Variants in RAB27A observed in about 807,000 individuals in gnomAD.
The protein encoded by RAB27A is ras-related protein Rab-27A.
RAB27A carries 17 observed loss-of-function variants against 20.8 expected under a neutral mutation model. The ratio of observed to expected loss-of-function variants is 0.82; its 90% CI spans 0.56 to 1.23. RAB27A has a LOEUF of 1.23. RAB27A is among the 50% of genes most tolerant of loss of function. RAB27A has a pLI of 0.00. For synonymous variants in RAB27A, 85 were observed against 92.8 expected (o/e 0.92, Z 0.48); for missense variants, 277 against 266.7 (o/e 1.04, Z -0.27).
chr15:55,215,438 G>T (rs896704902), intron 6 of RAB27A, among the ~76,000 whole-genome samples: 4 of 148,280 alleles, frequency 2.7e-5, no homozygotes, highest in African/African-American at 1.0e-4. Flanking sequence ...GGATCACGAG[G>T]TCAGGAGATC....
intron 2 of RAB27A, among the ~76,000 whole-genome samples, chr15:55,306,346 C>T (rs1269281041): frequency 2.0e-5 from 3 of 152,024 alleles, no homozygotes; most frequent in Admixed American, 1.3e-4. Flanking sequence ...GGTTTTGGGC[C>T]GAGACCTCAT....
intron 1 of RAB27A, among the ~76,000 whole-genome samples, chr15:55,277,989 T>C (rs935698039): frequency 6.6e-6 from 1 of 152,234 alleles, no homozygotes; most frequent in Admixed American, 6.5e-5. Context: ...GAGGATTAAA[T>C]GAGAAAATGT....
chr15:55,220,291 G>A (rs977472831), intron 6 of RAB27A, among the ~76,000 whole-genome samples: 2 of 152,070 alleles, frequency 1.3e-5, no homozygotes, highest in African/African-American at 4.8e-5. Context: ...TTTTGAGACA[G>A]AGTTTTGCTC....
At chr15:55,298,880 G>C (rs1038316465) in intron 2 of RAB27A, among the ~76,000 whole-genome samples, 50 of 152,364 alleles carry the variant, frequency 3.3e-4, no homozygotes, top group African/African-American at 1.2e-3. Context: ...ATATGGCTCT[G>C]TTCTGCCTGG....
intron 1 of RAB27A, among the ~76,000 whole-genome samples, chr15:55,278,706 T>A (rs1339280380): frequency 1.3e-5 from 2 of 152,132 alleles, no homozygotes; most frequent in Admixed American, 1.3e-4. Flanking sequence ...ATGGTCTCGA[T>A]CTCCTGACCT....
At chr15:55,268,707 G>T (rs573411598) in intron 2 of RAB27A, among the ~76,000 whole-genome samples, 4 of 152,324 alleles carry the variant, frequency 2.6e-5, no homozygotes, top group African/African-American at 9.6e-5. Flanking sequence ...ATCCAGCCCA[G>T]TCCAGGCACT....
At chr15:55,225,395 T>A (rs999887163) in intron 5 of RAB27A, among the ~76,000 whole-genome samples, 2 of 152,208 alleles carry the variant, frequency 1.3e-5, no homozygotes, top group African/African-American at 4.8e-5. Flanking sequence ...ACAGTCAAGG[T>A]AAGGATTAAA....
chr15:55,302,336 G>A (rs1180266057), intron 2 of RAB27A, among the ~76,000 whole-genome samples: 61 of 152,158 alleles, frequency 4.0e-4, no homozygotes, highest in Non-Finnish European at 7.4e-5. Flanking sequence ...TCGGCCTCCC[G>A]AGGTGCCGGG....
intron 2 of RAB27A, among the ~76,000 whole-genome samples, chr15:55,312,552 G>T (rs956992287): frequency 2.0e-5 from 3 of 152,044 alleles, no homozygotes; most frequent in Non-Finnish European, 2.9e-5. Flanking sequence ...ATCCTCAACA[G>T]CACTTGTAAT....
In RAB27A at chr15:55,205,664, A is replaced by C; in HGVS notation, c.509T>G (p.Ile170Arg). ...FETSAANGTN[I>R]SQAIEMLLDL... ...CAGAAGCATCTCAATTGCTTGGCTT[A>C]TGTTTGTCCCATTGGCAGCACTAGT... is the stretch of plus-strand genomic sequence containing the variant. The change falls in exon 7 of 7, where the codon ATA becomes AGA. Residue 170 changes from isoleucine to arginine, a missense_variant. By Grantham distance (97) the Ile-to-Arg change is moderately conservative (BLOSUM62 -3). Transcript: ENST00000336787. 1 of 1,614,104 alleles carries C rather than the reference A, an allele frequency of 6.2e-7. No homozygotes were observed. The highest frequency in any genetic ancestry group is 1.1e-5 in the South Asian group (1 of 91,082).
rs564719458 is a variant in RAB27A, at chr15:55,215,350, C to A, written c.467+8539G>T. Among the ~76,000 whole-genome samples, 173 of 152,240 alleles carry A rather than the reference C, an allele frequency of 1.1e-3. 1 individual carries two copies. Among genetic ancestry groups the A allele is most frequent in the Non-Finnish European group, 1.4e-3 (97 of 68,014 alleles). ...CATGGAAGTTATCAACAACATGGATCAATGGTTAAGAGTCATAACCGGCCG... is the reference window on the plus strand; with the variant it reads ...CATGGAAGTTATCAACAACATGGATAAATGGTTAAGAGTCATAACCGGCCG... On this transcript the variant is annotated intron_variant, in intron 6 of 6. Coordinates refer to ENST00000336787, the MANE Select transcript of RAB27A (RefSeq NM_183235.3).
rs537576333 is a variant in RAB27A at position 55,281,361 on chromosome 15, T to C, written c.-143+8355A>G. ...TGTCCTCAAAAAAAGGAATCTACTC[T>C]GCTTAGCAGTTCCATTTCTCATATA... On this transcript the variant is annotated intron_variant, in intron 1 of 6. Transcript: ENST00000336787. Among the ~76,000 whole-genome samples the C allele has an allele frequency of 6.6e-5, 10 of 152,330 alleles. No homozygotes were observed. In the South Asian group the frequency reaches 2.1e-3, roughly 32 times the overall value.
chr15:55,290,126 G>A (rs1275466276), upstream of RAB27A: 1 of 152,338 alleles, frequency 6.6e-6, no homozygotes, highest in Non-Finnish European at 1.5e-5. Flanking sequence ...ACCGGTGCGC[G>A]GCGAGGTGTC....
In RAB27A at chr15:55,203,267, T is replaced by C. The variant is rs939756281; in HGVS notation, c.*2240A>G. ...TGAAACATGCAAACATTCTTATTTT[T>C]ATGTTTAAAGACATTTAATGTGTTA... On this transcript the variant is annotated 3_prime_UTR_variant, in exon 7 of 7. Coordinates refer to ENST00000336787, the MANE Select transcript of RAB27A (RefSeq NM_183235.3). The C allele has an allele frequency of 6.6e-6, 1 of 151,960 alleles. No individual in the cohort carries two copies. Among genetic ancestry groups the C allele is most frequent in the African/African-American group, 2.4e-5 (1 of 41,214 alleles). 9.4% of individuals were successfully genotyped at this position (151,960 alleles called of 1,614,324 possible).
Position 55,230,383 on chromosome 15 carries a change from T to A in RAB27A, c.239+18A>T, listed in dbSNP as rs774239813. 2 of 1,587,606 alleles carry A rather than the reference T, an allele frequency of 1.3e-6. No individual in the cohort carries two copies. Among genetic ancestry groups the A allele is most frequent in the Non-Finnish European group, 1.7e-6 (2 of 1,155,956 alleles). ...TCCCTTTCCTTCAGTAAGGAGCACA[T>A]AACTGAAGATCTCATACCTCTCCTG... is the stretch of plus-strand genomic sequence containing the variant. On this transcript the variant is annotated intron_variant, in intron 4 of 6. Coordinates refer to ENST00000336787, the MANE Select transcript of RAB27A (RefSeq NM_183235.3).
chr15:55,223,065 C>T (rs1246301772), intron 6 of RAB27A, among the ~76,000 whole-genome samples: 1 of 152,114 alleles, frequency 6.6e-6, no homozygotes, highest in African/African-American at 2.4e-5. Flanking sequence ...GCTGACCCTC[C>T]ACCACAAGAC....
intron 2 of RAB27A, among the ~76,000 whole-genome samples, chr15:55,258,016 G>C (rs1897141872): frequency 6.8e-6 from 1 of 146,292 alleles, no homozygotes; most frequent in Non-Finnish European, 1.5e-5. Flanking sequence ...GCAGTGAGCT[G>C]AGATCGCACC....
At chr15:55,236,584 G>A (rs1171107545) in intron 2 of RAB27A, among the ~76,000 whole-genome samples, 8 of 151,982 alleles carry the variant, frequency 5.3e-5, no homozygotes, top group Non-Finnish European at 5.9e-5. Context: ...CCTAACCACG[G>A]CTATTTTTGG....
At chr15:55,303,045 C>T (rs1488396810) in intron 2 of RAB27A, among the ~76,000 whole-genome samples, 14 of 146,334 alleles carry the variant, frequency 9.6e-5, no homozygotes, top group South Asian at 8.9e-4. Flanking sequence ...GGGGATCAGC[C>T]CCCCCGCCCG....
Sources: allele counts gnomAD v4.1 joint callset (sites outside exome capture counted in the v4.1 genomes callset), GRCh38; gene constraint gnomAD v4.1.1; transcripts MANE v1.5; gene names NCBI Gene and HGNC (gene_info 2026-07-23, HGNC 2026-07-21).